Variants in PSMD9 observed in about 807,000 individuals in gnomAD.
PSMD9 encodes proteasome 26S subunit, non-ATPase 9.
Under a neutral mutation model 25.9 loss-of-function variants are expected in PSMD9, and 26 were observed. That is an observed-to-expected ratio of 1.00 (90% CI 0.73 to 1.39). The LOEUF is 1.39. Among genes scored for constraint, PSMD9 ranks in the 40% most tolerant of loss-of-function variants. The pLI is 0.00. For synonymous variants in PSMD9, 110 were observed against 114.5 expected, an observed-to-expected ratio of 0.96 and a Z score of 0.25; for missense variants, 303 against 299.3, an observed-to-expected ratio of 1.01 and a Z score of -0.09.
intron 2 of PSMD9, among the ~76,000 whole-genome samples, chr12:121,896,877 T>C (rs956393673): frequency 6.9e-6 from 1 of 145,072 alleles, no homozygotes; most frequent in Non-Finnish European, 1.5e-5. Context: ...AATTGGAAAA[T>C]AATGCATAGG....
chr12:121,896,098 C>T (rs1394985260), intron 2 of PSMD9, among the ~76,000 whole-genome samples: 5 of 149,224 alleles, frequency 3.4e-5, no homozygotes, highest in East Asian at 2.0e-4. Flanking sequence ...TTCCACCTCC[C>T]GAGTGACAGA....
At chr12:121,908,532 C>T (rs1007249529) in intron 4 of PSMD9, among the ~76,000 whole-genome samples, 4 of 152,116 alleles carry the variant, frequency 2.6e-5, no homozygotes, top group Admixed American at 6.6e-5. Flanking sequence ...GTGCCTCTTC[C>T]GCTGCACATG....
At chr12:121,899,517 C>G (rs1176032945) in intron 2 of PSMD9, 117 bp from the exon 3 acceptor site, 1 of 979,824 alleles carries the variant, frequency 1.0e-6, no homozygotes, top group East Asian at 2.6e-5. Context: ...CTCCTTCTCA[C>G]CTCTAGCTCC....
At position 121,917,273 on chromosome 12, in the gene PSMD9, C is replaced by G. The variant is rs1879942890; in HGVS notation, c.*962C>G. The G allele has an allele frequency of 6.6e-6, 1 of 152,446 alleles. No individual in the cohort carries two copies. The highest frequency in any genetic ancestry group is 2.1e-4 in the South Asian group (1 of 4,842). The allele number at this position is 152,446 out of a possible 1,614,324, so 9.4% of individuals were successfully genotyped here. On this transcript the variant is annotated 3_prime_UTR_variant, in exon 6 of 6. Coordinates refer to ENST00000541212, the MANE Select transcript of PSMD9 (RefSeq NM_002813.7). ...AAGTGCTGGGATCACAGGCGTGAGCCACTGCGCCCAGCCCACTGCTAGTTT... is the reference window on the plus strand; with the variant it reads ...AAGTGCTGGGATCACAGGCGTGAGCGACTGCGCCCAGCCCACTGCTAGTTT...
At chr12:121,913,402 T>A (rs1466738457) in intron 4 of PSMD9, among the ~76,000 whole-genome samples, 1 of 152,078 alleles carries the variant, frequency 6.6e-6, no homozygotes, top group Non-Finnish European at 1.5e-5. Context: ...CTAATCAGAT[T>A]TTTTTGTTGA....
At chr12:121,897,646 C>T (rs374373340) in intron 2 of PSMD9, 23 of 149,754 alleles carry the variant, frequency 1.5e-4, no homozygotes, top group Admixed American at 4.0e-4. Flanking sequence ...GTGATCCGCC[C>T]GCCTCGGCCT....
In PSMD9 at chr12:121,916,995, TTG is replaced by T. The variant is rs1281521076; in HGVS notation, c.*690_*691del. 1 of 152,402 alleles carries T rather than the reference TTG, an allele frequency of 6.6e-6. No homozygotes were observed. Among genetic ancestry groups the T allele is most frequent in the Non-Finnish European group, 1.5e-5 (1 of 68,244 alleles). 9.4% of individuals were successfully genotyped at this position (152,402 alleles called of 1,614,324 possible). On this transcript the variant is annotated 3_prime_UTR_variant, in exon 6 of 6. Coordinates refer to ENST00000541212, the MANE Select transcript of PSMD9 (RefSeq NM_002813.7). ...TTCGCTAGTAAGAACCCCTCCGTTTTTGTGTGTTTTTGTTTTTGTTTTCTGGA... is the reference window on the plus strand; with the variant it reads ...TTCGCTAGTAAGAACCCCTCCGTTTTTGTGTTTTTGTTTTTGTTTTCTGGA...
chr12:121,898,454 C>T (rs1879294525), intron 2 of PSMD9: 2 of 152,204 alleles, frequency 1.3e-5, no homozygotes, highest in African/African-American at 4.8e-5. Context: ...TTGGCAAGAG[C>T]CCTGTAGCAG....
At chr12:121,913,151 A>G (rs188364261) in intron 4 of PSMD9, among the ~76,000 whole-genome samples, 363 of 152,046 alleles carry the variant, frequency 2.4e-3, no homozygotes, top group Non-Finnish European at 2.8e-3. Flanking sequence ...TCACTGTGTT[A>G]GCCACGATGG....
chr12:121,889,067 C>A, intron 1 of PSMD9, 73 bp downstream of exon 1: 1 of 1,515,226 alleles, frequency 6.6e-7, no homozygotes, highest in Non-Finnish European at 8.9e-7. Flanking sequence ...GATGCCAGGG[C>A]GGCCTCAGTT....
intron 4 of PSMD9, among the ~76,000 whole-genome samples, chr12:121,913,228 G>C (rs554669960): frequency 1.3e-5 from 2 of 151,866 alleles, no homozygotes; most frequent in Non-Finnish European, 2.9e-5. Flanking sequence ...ACAGGCGTGA[G>C]CCACCGCGCC....
chr12:121,902,766 T>C, intron 3 of PSMD9: 1 of 451,378 alleles, frequency 2.2e-6, no homozygotes, highest in Non-Finnish European at 4.1e-6. Flanking sequence ...CTCTCAGACA[T>C]TGGGCAGACC....
At chr12:121,909,102 G>A (rs1879642328) in intron 4 of PSMD9, among the ~76,000 whole-genome samples, 1 of 152,128 alleles carries the variant, frequency 6.6e-6, no homozygotes, top group Admixed American at 6.6e-5. Flanking sequence ...TCAGTCAAGA[G>A]AGGATGGTGG....
intron 4 of PSMD9, among the ~76,000 whole-genome samples, chr12:121,908,681 T>C (rs1376122414): frequency 6.6e-6 from 1 of 152,134 alleles, no homozygotes; most frequent in Admixed American, 6.6e-5. Context: ...ATAAGTGTTA[T>C]GAAGGAAGAG....
In PSMD9 at chr12:121,899,767, T is replaced by C. The variant is rs1212828545; in HGVS notation, c.375T>C (p.Gly125=). Residue 125 remains glycine (G), a synonymous_variant, in exon 3 of 6, where the codon GGT becomes GGC. Transcript: ENST00000541212. The stretch of plus-strand genomic sequence containing the variant: ...AAGAGGCCATGAGCCGCAAACTGGG[T>C]CAGAGTGAGAGCCAGGGCCCTCCAC... ...AHKEAMSRKL[G]QSESQGPPRA... 6 of 1,613,916 alleles carry C rather than the reference T, an allele frequency of 3.7e-6. No individual in the cohort carries two copies. Among genetic ancestry groups the C allele is most frequent in the Non-Finnish European group, 4.2e-6 (5 of 1,179,914 alleles).
At chr12:121,913,164 T>TCA (rs1879785982) in intron 4 of PSMD9, among the ~76,000 whole-genome samples, 2 of 152,088 alleles carry the variant, frequency 1.3e-5, no homozygotes, top group Non-Finnish European at 2.9e-5. Context: ...CACGATGGTG[T>TCA]CAATCTCCTG....
chr12:121,906,965 C>CAA (rs111345955), intron 4 of PSMD9, among the ~76,000 whole-genome samples: 98 of 133,136 alleles, frequency 7.4e-4, no homozygotes, highest in Admixed American at 1.1e-3. Context: ...GGCTCTGTGT[C>CAA]AAAAAAAAAA....
intron 4 of PSMD9, among the ~76,000 whole-genome samples, chr12:121,908,879 G>A (rs1361183312): frequency 6.6e-6 from 1 of 152,082 alleles, no homozygotes; most frequent in African/African-American, 2.4e-5. Context: ...TCAAAGGAGG[G>A]TGGAGCCCAG....
At chr12:121,892,440 C>T (rs992075987) in intron 1 of PSMD9, among the ~76,000 whole-genome samples, 1 of 152,036 alleles carries the variant, frequency 6.6e-6, no homozygotes, top group Non-Finnish European at 1.5e-5. Context: ...GTGGCTCATG[C>T]CTGTAATCCC....
Sources: allele counts gnomAD v4.1 joint callset (sites outside exome capture counted in the v4.1 genomes callset), GRCh38; gene constraint gnomAD v4.1.1; transcripts MANE v1.5; gene names NCBI Gene and HGNC (gene_info 2026-07-23, HGNC 2026-07-21).